Variants in NDUFA1 observed in about 807,000 individuals in gnomAD.
The protein encoded by NDUFA1 is NADH:ubiquinone oxidoreductase subunit A1.
For synonymous variants in NDUFA1, 21 were observed against 20.0 expected, an observed-to-expected ratio of 1.05 and a Z score of -0.14; for missense variants, 42 against 56.0, an observed-to-expected ratio of 0.75 and a Z score of 0.80.
At chrX:119,873,626 T>C (rs912139045) in intron 2 of NDUFA1, among the ~76,000 whole-genome samples, 1 of 111,106 alleles carries the variant, frequency 9.0e-6, no homozygotes, top group African/African-American at 3.3e-5. Context: ...TGTTCCATTG[T>C]CTTTTTCTTT....
chrX:119,876,473 G>A (rs1233115697), intron 2 of NDUFA1, 41 bp from the exon 3 acceptor site: 1 of 1,192,344 alleles, frequency 8.4e-7, no homozygotes, highest in African/African-American at 1.8e-5. Flanking sequence ...TCTTTGATGG[G>A]AACAGACTTG....
At chrX:119,876,205 C>CAA (rs368203238) in intron 2 of NDUFA1, among the ~76,000 whole-genome samples, 57 of 79,506 alleles carry the variant, frequency 7.2e-4, no homozygotes, top group Admixed American at 1.3e-3. Flanking sequence ...GACTCCATCT[C>CAA]AAAAAAAAAA....
In NDUFA1 at chrX:119,872,146, G is replaced by A. The variant is rs1013032084; in HGVS notation, c.102+133G>A. 6.4e-6 allele frequency: 4 copies of A among 626,696 alleles called. No homozygotes were observed. The Admixed American group carries it at 1.1e-4, about 17-fold the overall frequency. 51.6% of individuals were successfully genotyped at this position (626,696 alleles called of 1,213,427 possible). ...ACTTGCTTCCGGTTGCCTAGAAGCC[G>A]AGGCTTGCGAAACGAAGCCCGATAG... On this transcript the variant is annotated intron_variant, in intron 1 of 2. Coordinates refer to ENST00000371437, the MANE Select transcript of NDUFA1 (RefSeq NM_004541.4).
At position 119,876,598 on chromosome X, in the gene NDUFA1, G is replaced by A. The variant is rs2056438146; in HGVS notation, c.*64G>A. ...TATGGCCATCTACCCCTGCTAGAAGGTTACAGTGTATTATGTAGCATGCAA... is the reference window on the plus strand; with the variant it reads ...TATGGCCATCTACCCCTGCTAGAAGATTACAGTGTATTATGTAGCATGCAA... On this transcript the variant is annotated 3_prime_UTR_variant, in exon 3 of 3. Coordinates refer to ENST00000371437, the MANE Select transcript of NDUFA1 (RefSeq NM_004541.4). The A allele has an allele frequency of 9.8e-7, 1 of 1,025,340 alleles. No individual in the cohort carries two copies. The highest frequency in any genetic ancestry group is 2.7e-4 in the Middle Eastern group (1 of 3,659). The allele number at this position is 1,025,340 out of a possible 1,213,427, so 84.5% of individuals were successfully genotyped here.
Position 119,871,849 on chromosome X carries a change from G to C in NDUFA1, c.-63G>C. ...GCCGCGGGGCTTGCTGGGAAGAGAG[G>C]CGAAGCCAGGTCACCTTTCAAGGAC... is the stretch of plus-strand genomic sequence containing the variant. On this transcript the variant is annotated 5_prime_UTR_variant, in exon 1 of 3. Transcript: ENST00000371437. The C allele has an allele frequency of 8.7e-7, 1 of 1,153,803 alleles. No individual in the cohort carries two copies. The highest frequency in any genetic ancestry group is 2.2e-5 in the Admixed American group (1 of 46,122).
Position 119,876,552 on chromosome X carries a change from T to G in NDUFA1, c.*18T>G. The G allele has an allele frequency of 8.3e-7, 1 of 1,204,537 alleles. No homozygotes were observed. The highest frequency in any genetic ancestry group is 1.1e-6 in the Non-Finnish European group (1 of 889,003). ...TTGATTAAGGAAGCATTTTCCTGAT[T>G]GATGAAAAAAATAACTCAGTTATGG... On this transcript the variant is annotated 3_prime_UTR_variant, in exon 3 of 3. Transcript: ENST00000371437.
chrX:119,874,487 G>C (rs1223067456), intron 2 of NDUFA1, among the ~76,000 whole-genome samples: 2 of 110,818 alleles, frequency 1.8e-5, no homozygotes, highest in Non-Finnish European at 3.8e-5. Context: ...TGCCATTTTT[G>C]TAGGTCAAAA....
chrX:119,872,932 A>T (rs1211188374), intron 1 of NDUFA1, among the ~76,000 whole-genome samples: 12 of 109,699 alleles, frequency 1.1e-4, no homozygotes, highest in Non-Finnish European at 5.7e-5. Flanking sequence ...CCTTCACATC[A>T]TCTCAAGAGT....
At chrX:119,873,003 CTGT>C (rs1473146358) in intron 1 of NDUFA1, among the ~76,000 whole-genome samples, 1 of 106,254 alleles carries the variant, frequency 9.4e-6, no homozygotes, top group African/African-American at 3.5e-5. Flanking sequence ...TGATCTACAG[CTGT>C]TGTTTCTTAG....
intron 2 of NDUFA1, 125 bp downstream of exon 2, chrX:119,873,518 C>T: frequency 6.9e-6 from 3 of 436,932 alleles, no homozygotes; most frequent in South Asian, 4.2e-5. Flanking sequence ...AGGTTGGCAT[C>T]TTTTTACATA....
intron 1 of NDUFA1, among the ~76,000 whole-genome samples, chrX:119,873,026 A>T (rs1026915195): frequency 9.3e-6 from 1 of 107,593 alleles, no homozygotes; most frequent in Admixed American, 1.0e-4. Context: ...GTGTCCCAAA[A>T]GACAACAACT....
rs1300990883 is a variant in NDUFA1, at chrX:119,871,986, C to T, written c.75C>T (p.Tyr25=). The T allele has an allele frequency of 8.3e-7, 1 of 1,211,140 alleles. No homozygotes were observed. Among genetic ancestry groups the T allele is most frequent in the Admixed American group, 2.2e-5 (1 of 46,024 alleles). Residue 25 remains tyrosine (Y), a synonymous_variant, in exon 1 of 3, where the codon TAC becomes TAT. Transcript: ENST00000371437. ...CLLIPGLATA[Y]IHRFTNGGKE... is the part of the protein sequence containing the mutation. ...TGATTCCAGGACTGGCTACTGCGTA[C>T]ATCCACAGGTTCACTAACGGGGGCA...
intron 2 of NDUFA1, 74 bp downstream of exon 2, chrX:119,873,467 A>T: frequency 1.2e-6 from 1 of 806,540 alleles, no homozygotes; most frequent in East Asian, 3.1e-5. Flanking sequence ...CAAGGGTCAT[A>T]CAGTGCTAAT....
At chrX:119,876,220 A>AG (rs2056436663) in intron 2 of NDUFA1, among the ~76,000 whole-genome samples, 2 of 109,113 alleles carry the variant, frequency 1.8e-5, no homozygotes, top group African/African-American at 6.6e-5. Context: ...AAAAAAAAAA[A>AG]GGATCCAGGT....
intron 2 of NDUFA1, 60 bp from the exon 3 acceptor site, chrX:119,876,454 C>T: frequency 2.7e-6 from 3 of 1,128,786 alleles, no homozygotes; most frequent in Non-Finnish European, 2.4e-6. Flanking sequence ...AATAAAAGTA[C>T]ATGGCATATC....
In NDUFA1 at chrX:119,876,540, C is replaced by T. The variant is rs1364821075; in HGVS notation, c.*6C>T. ...GTTTGGAGAACATTGATTAAGGAAG[C>T]ATTTTCCTGATTGATGAAAAAAATA... is the stretch of plus-strand genomic sequence containing the variant. On this transcript the variant is annotated 3_prime_UTR_variant, in exon 3 of 3. Transcript: ENST00000371437. 2 of 1,207,278 alleles carry T rather than the reference C, an allele frequency of 1.7e-6. No homozygotes were observed. The highest frequency in any genetic ancestry group is 2.2e-6 in the Non-Finnish European group (2 of 891,765).
rs1479802383 is a variant in NDUFA1 at position 119,873,288 on chromosome X, TG to T, written c.103-15del. Reference sequence around the variant, plus strand: ...CACTTTTATAAACTGCAACAATAATTGTCTCTTATTTGAAGGAAAAAAGGGT... The same window carrying T: ...CACTTTTATAAACTGCAACAATAATTTCTCTTATTTGAAGGAAAAAAGGGT... On this transcript the variant is annotated splice_polypyrimidine_tract_variant and intron_variant, in intron 1 of 2. Coordinates refer to ENST00000371437, the MANE Select transcript of NDUFA1 (RefSeq NM_004541.4). The T allele has an allele frequency of 8.5e-7, 1 of 1,178,945 alleles. No individual in the cohort carries two copies. Among genetic ancestry groups the T allele is most frequent in the Non-Finnish European group, 1.2e-6 (1 of 865,920 alleles).
chrX:119,875,882 C>G (rs1005828772), intron 2 of NDUFA1, among the ~76,000 whole-genome samples: 1 of 111,304 alleles, frequency 9.0e-6, no homozygotes, highest in African/African-American at 3.3e-5. Context: ...CCTTCTTGTC[C>G]TCTGACTCAC....
At chrX:119,874,964 C>T (rs759797849) in intron 2 of NDUFA1, among the ~76,000 whole-genome samples, 185 of 112,133 alleles carry the variant, frequency 1.6e-3, no homozygotes, top group Middle Eastern at 9.2e-3. Flanking sequence ...TTATTCCTCA[C>T]AACAAACCTA....
Sources: allele counts gnomAD v4.1 joint callset (sites outside exome capture counted in the v4.1 genomes callset), GRCh38; gene constraint gnomAD v4.1.1; transcripts MANE v1.5; gene names NCBI Gene and HGNC (gene_info 2026-07-23, HGNC 2026-07-21).